Variants in COL24A1 observed in about 807,000 individuals in gnomAD.
COL24A1 encodes the protein collagen alpha-1(XXIV) chain.
A neutral mutation model predicts 253.9 loss-of-function variants in COL24A1; 224 were observed. The ratio of observed to expected loss-of-function variants is 0.88; its 90% confidence interval spans 0.79 to 0.99. The LOEUF (loss-of-function observed/expected upper bound fraction) is 0.99. COL24A1 is among the 50% of genes least tolerant of loss of function. The probability of loss-of-function intolerance (pLI) is 0.00; values close to 1 mark genes in which losing one functional copy is unlikely to be tolerated. For synonymous variants in COL24A1, 685 were observed against 673.7 expected (o/e 1.02, Z -0.26); for missense variants, 2,131 against 2,068.5 (o/e 1.03, Z -0.59).
chr1:85,993,348 C>T (rs181519348), intron 19 of COL24A1, among the ~76,000 whole-genome samples: 4 of 151,688 alleles, frequency 2.6e-5, no homozygotes, highest in Non-Finnish European at 4.4e-5. Flanking sequence ...TACACATATA[C>T]ACAAACTAAT....
At chr1:85,811,497 AT>A (rs1412462297) in intron 47 of COL24A1, among the ~76,000 whole-genome samples, 1 of 152,060 alleles carries the variant, frequency 6.6e-6, no homozygotes, top group Non-Finnish European at 1.5e-5. Context: ...TCAATGTTTA[AT>A]TTTCTGAGGA....
At chr1:85,836,196 C>T (rs930929168) in intron 43 of COL24A1, among the ~76,000 whole-genome samples, 3 of 152,198 alleles carry the variant, frequency 2.0e-5, no homozygotes, top group Non-Finnish European at 1.5e-5. Context: ...ATGAAGGCTC[C>T]CGTGTTACGT....
chr1:86,136,747 T>A (rs1019023302), intron 2 of COL24A1, among the ~76,000 whole-genome samples: 1 of 152,022 alleles, frequency 6.6e-6, no homozygotes, highest in African/African-American at 2.4e-5. Flanking sequence ...TTGGCAAATC[T>A]CACTAATTAA....
chr1:85,935,517 G>GTATTTA (rs1478273845), intron 24 of COL24A1, among the ~76,000 whole-genome samples: 1 of 147,600 alleles, frequency 6.8e-6, no homozygotes, highest in African/African-American at 2.5e-5. Context: ...TGTAAGCTAA[G>GTATTTA]TATTTATTTG....
At chr1:85,805,794 G>T (rs1444284214) in intron 47 of COL24A1, among the ~76,000 whole-genome samples, 2 of 152,166 alleles carry the variant, frequency 1.3e-5, no homozygotes, top group Non-Finnish European at 2.9e-5. Flanking sequence ...GATAGAAATA[G>T]GCCGGGCGCG....
chr1:85,858,171 A>G (rs1678670595), intron 37 of COL24A1, among the ~76,000 whole-genome samples: 1 of 152,100 alleles, frequency 6.6e-6, no homozygotes, highest in South Asian at 2.1e-4. Context: ...TCCACTTTTA[A>G]CCCCATAGCT....
At chr1:85,982,448 C>A (rs566407354) in intron 20 of COL24A1, among the ~76,000 whole-genome samples, 34 of 151,814 alleles carry the variant, frequency 2.2e-4, no homozygotes, top group Non-Finnish European at 4.9e-4. Context: ...CTTATTTAAA[C>A]CCTTTAATTT....
intron 3 of COL24A1, among the ~76,000 whole-genome samples, chr1:86,120,333 C>T (rs891221819): frequency 6.6e-6 from 1 of 152,192 alleles, no homozygotes; most frequent in African/African-American, 2.4e-5. Flanking sequence ...GCAAAAGAAA[C>T]TACCATCAGA....
At chr1:86,005,029 C>T (rs1695806619) in intron 19 of COL24A1, among the ~76,000 whole-genome samples, 1 of 152,088 alleles carries the variant, frequency 6.6e-6, no homozygotes, top group Non-Finnish European at 1.5e-5. Context: ...GGTTGTACTA[C>T]CAGATAAGCT....
rs1436788534 is a variant in COL24A1 at position 86,046,855 on chromosome 1, G to T, written c.1920C>A (p.Ile640=). Residue 640 remains isoleucine, a synonymous_variant, in exon 12 of 60, where the codon ATC becomes ATA. Transcript: ENST00000370571. ...GPEGERGIPG[I]RGKKGFKGRQ... ...TCCCCTTAAAACCCTTCTTTCCACG[G>T]ATCCCAGGAATGCCCTAGAATATAG... 2.5e-6 allele frequency: 4 copies of T among 1,583,392 alleles called. No homozygotes were observed. Among genetic ancestry groups the T allele is most frequent in the Non-Finnish European group, 3.5e-6 (4 of 1,152,586 alleles).
At chr1:85,951,485 A>C (rs1689926653) in intron 24 of COL24A1, among the ~76,000 whole-genome samples, 2 of 152,148 alleles carry the variant, frequency 1.3e-5, no homozygotes, top group Non-Finnish European at 2.9e-5. Context: ...CAAAGGCATA[A>C]ATAAGTGAGT....
chr1:85,912,670 A>G (rs1685487877), intron 24 of COL24A1, among the ~76,000 whole-genome samples: 1 of 152,198 alleles, frequency 6.6e-6, no homozygotes, highest in African/African-American at 2.4e-5. Context: ...ACCAGCAGAT[A>G]TAGTATTATC....
chr1:85,846,585 G>A (rs1677165825), intron 39 of COL24A1, among the ~76,000 whole-genome samples: 1 of 151,798 alleles, frequency 6.6e-6, no homozygotes, highest in African/African-American at 2.4e-5. Flanking sequence ...TATATGAACA[G>A]GCAACTTCCA....
At chr1:85,787,194 A>T (rs1669770579) in intron 47 of COL24A1, among the ~76,000 whole-genome samples, 2 of 150,042 alleles carry the variant, frequency 1.3e-5, no homozygotes, top group South Asian at 4.2e-4. Flanking sequence ...GTTATGGCAG[A>T]GTTTTTTTTT....
At chr1:86,010,907 TAAAC>T (rs1217196370) in intron 19 of COL24A1, among the ~76,000 whole-genome samples, 1 of 152,094 alleles carries the variant, frequency 6.6e-6, no homozygotes, top group Non-Finnish European at 1.5e-5. Context: ...ATCTGCCCCT[TAAAC>T]AAGCAAAACA....
chr1:85,900,717 A>G (rs537560073), intron 28 of COL24A1, among the ~76,000 whole-genome samples: 1 of 152,298 alleles, frequency 6.6e-6, no homozygotes, highest in South Asian at 2.1e-4. Flanking sequence ...AAACAGACAC[A>G]TAGACAAATA....
chr1:85,953,227 G>T (rs1444124472), intron 24 of COL24A1, among the ~76,000 whole-genome samples: 2 of 152,158 alleles, frequency 1.3e-5, no homozygotes. Flanking sequence ...TCCCTTGACA[G>T]CCTCTTCCAA....
intron 57 of COL24A1, 41 bp downstream of exon 57, chr1:85,744,625 A>T: frequency 6.7e-7 from 1 of 1,497,246 alleles, no homozygotes; most frequent in South Asian, 1.2e-5. Context: ...AAATGATGAA[A>T]TGAAATTCAC....
Position 85,737,394 on chromosome 1 carries a change from A to T in COL24A1, c.4782+2T>A. 2 of 1,603,032 alleles carry T rather than the reference A, an allele frequency of 1.2e-6. No individual in the cohort carries two copies. Among genetic ancestry groups the T allele is most frequent in the African/African-American group, 1.3e-5 (1 of 74,632 alleles). ...CATGTGTTCTAAAATTCAGTAACAT[A>T]CCTTTGTTACAGAAACAGGAGGTAA... On this transcript the variant is annotated splice_donor_variant, in intron 58 of 59. Transcript: ENST00000370571. LOFTEE classifies it high-confidence loss of function.
Sources: gnomAD v4.1 joint callset for allele counts (sites outside exome capture counted in the v4.1 genomes callset) on GRCh38, gnomAD v4.1.1 for gene constraint, MANE v1.5 for transcripts, NCBI Gene and HGNC (gene_info 2026-07-23, HGNC 2026-07-21) for gene names.